MFHAS1: variants seen among roughly 807,000 people sequenced by gnomAD.
MFHAS1 encodes the protein malignant fibrous histiocytoma-amplified sequence 1.
In MFHAS1, 50 loss-of-function variants were observed where a neutral mutation model predicts 70.4. That is an observed-to-expected ratio of 0.71 (90% CI 0.57 to 0.90). The LOEUF (loss-of-function observed/expected upper bound fraction) is 0.90, where lower values mean the gene tolerates loss of function less well. Among genes scored for constraint, MFHAS1 ranks in the 40% least tolerant of loss-of-function variants. The pLI is 0.00. For missense variants in MFHAS1, 1,795 were observed against 1,347.6 expected (o/e 1.33, Z -5.20); for synonymous variants, 952 against 620.0 (o/e 1.54, Z -7.96).
intron 1 of MFHAS1, among the ~76,000 whole-genome samples, chr8:8,884,276 A>G (rs1056591443): frequency 6.6e-6 from 1 of 152,172 alleles, no homozygotes; most frequent in African/African-American, 2.4e-5. Flanking sequence ...GTGCCTGATT[A>G]AGGTTTTGAT....
In MFHAS1 at chr8:8,832,627, CT is replaced by C. The variant is rs137896964; in HGVS notation, c.2999-35137del. ...CATGTGATGCAACCAGAATTTTTTT[CT>C]TTTTTTTTTTTTTTTTTCAAGACAG... On this transcript the variant is annotated intron_variant, in intron 1 of 2. Coordinates refer to ENST00000276282, the MANE Select transcript of MFHAS1 (RefSeq NM_004225.3). Among the ~76,000 whole-genome samples, 372 of 121,914 alleles carry C rather than the reference CT, an allele frequency of 3.1e-3. 1 individual carries two copies. Among genetic ancestry groups the C allele is most frequent in the African/African-American group, 9.3e-3 (306 of 33,064 alleles). 80.0% of individuals were successfully genotyped at this position (121,914 alleles called of 152,430 possible).
chr8:8,832,054 G>GCACACA (rs370279756), intron 1 of MFHAS1, among the ~76,000 whole-genome samples: 31,443 of 112,174 alleles, frequency 0.28, 3,869 homozygotes, highest in East Asian at 0.51. Context: ...ATGCACGCGC[G>GCACACA]CGCGCGCGCA....
At chr8:8,863,384 T>C (rs1808738831) in intron 1 of MFHAS1, among the ~76,000 whole-genome samples, 1 of 152,200 alleles carries the variant, frequency 6.6e-6, no homozygotes, top group Admixed American at 6.5e-5. Context: ...CCTGTGTAAA[T>C]TAACAGTGGC....
chr8:8,871,304 C>T (rs1809066513), intron 1 of MFHAS1, among the ~76,000 whole-genome samples: 1 of 152,218 alleles, frequency 6.6e-6, no homozygotes, highest in African/African-American at 2.4e-5. Flanking sequence ...AATCCCAGCA[C>T]TCTGGGAGGC....
At chr8:8,852,440 G>A (rs953768486) in intron 1 of MFHAS1, among the ~76,000 whole-genome samples, 2 of 151,604 alleles carry the variant, frequency 1.3e-5, no homozygotes, top group African/African-American at 2.4e-5. Context: ...CGCCACTCCA[G>A]CGTAAGCAAC....
intron 1 of MFHAS1, among the ~76,000 whole-genome samples, chr8:8,855,232 C>T (rs1481649125): frequency 1.3e-5 from 2 of 152,214 alleles, no homozygotes; most frequent in African/African-American, 2.4e-5. Flanking sequence ...GGATCACAGG[C>T]GTGAGCCACC....
intron 1 of MFHAS1, among the ~76,000 whole-genome samples, chr8:8,868,405 A>G (rs1808944103): frequency 6.7e-6 from 1 of 150,002 alleles, no homozygotes; most frequent in Admixed American, 6.7e-5. Flanking sequence ...ATAATTAATC[A>G]CCGAGAAGGA....
In MFHAS1 at chr8:8,892,139, T is replaced by C. The variant is rs990653384; in HGVS notation, c.920A>G (p.Gln307Arg). ...GLEELYLSRN[Q>R]LTSVPSLISG... ...GATAAGGGATGGCACCGAGGTGAGC[T>C]GGTTGCGACTAAGGTAGAGCTCCTC... Residue 307 changes from glutamine (Q) to arginine (R), a missense_variant, in exon 1 of 3, where the codon CAG (glutamine) becomes CGG (arginine). Gln to Arg is a conservative substitution (Grantham distance 43). Coordinates refer to ENST00000276282, the MANE Select transcript of MFHAS1 (RefSeq NM_004225.3). This position sits in a 1 kb window ranked among gnomAD's most constrained non-coding sequence, Gnocchi z 4.7. The C allele has an allele frequency of 1.9e-6, 3 of 1,611,670 alleles. No individual in the cohort carries two copies. In the African/African-American group the frequency reaches 4.0e-5, roughly 22 times the overall value.
intron 1 of MFHAS1, among the ~76,000 whole-genome samples, chr8:8,886,863 C>T (rs765407161): frequency 6.6e-6 from 1 of 152,190 alleles, no homozygotes; most frequent in Non-Finnish European, 1.5e-5. Context: ...TAGTGGCTCA[C>T]GCTTATAATC....
chr8:8,842,058 G>C (rs1420031827), intron 1 of MFHAS1, among the ~76,000 whole-genome samples: 1 of 152,216 alleles, frequency 6.6e-6, no homozygotes. Context: ...GTGCCAACAA[G>C]GCTGCGCCTT....
At chr8:8,885,668 G>T (rs1417916906) in intron 1 of MFHAS1, among the ~76,000 whole-genome samples, 2 of 152,200 alleles carry the variant, frequency 1.3e-5, no homozygotes, top group Non-Finnish European at 2.9e-5. Flanking sequence ...CCAGCTATGG[G>T]CAGCAAGTCT....
At chr8:8,888,156 A>T (rs901845298) in intron 1 of MFHAS1, among the ~76,000 whole-genome samples, 2 of 152,242 alleles carry the variant, frequency 1.3e-5, no homozygotes, top group Admixed American at 6.5e-5. Context: ...GGAGTGTGAC[A>T]AGATTCCAGA....
chr8:8,873,526 A>G (rs567600790), intron 1 of MFHAS1, among the ~76,000 whole-genome samples: 1 of 149,262 alleles, frequency 6.7e-6, no homozygotes, highest in South Asian at 2.1e-4. Context: ...GCTGGGTTAC[A>G]CCCACTCTTT....
At chr8:8,870,152 A>G (rs1809020296) in intron 1 of MFHAS1, among the ~76,000 whole-genome samples, 1 of 152,240 alleles carries the variant, frequency 6.6e-6, no homozygotes, top group South Asian at 2.1e-4. Flanking sequence ...GTGAATAGAT[A>G]GGCTAAAAGT....
At chr8:8,846,360 G>GAGGAGA (rs1348985599) in intron 1 of MFHAS1, among the ~76,000 whole-genome samples, 2 of 130,890 alleles carry the variant, frequency 1.5e-5, no homozygotes, top group South Asian at 3.2e-4. Context: ...GGAGGGGGAG[G>GAGGAGA]AGGAGAAGGA....
In MFHAS1 at chr8:8,832,052, G is replaced by GCACA. The variant is rs1221795082; in HGVS notation, c.2999-34562_2999-34561insTGTG. On this transcript the variant is annotated intron_variant, in intron 1 of 2. Coordinates refer to ENST00000276282, the MANE Select transcript of MFHAS1 (RefSeq NM_004225.3). ...CTTACTTCAAGGCGCACATGCACGCGCGCGCGCGCGCACACACACACACAC... is the reference window on the plus strand; with the variant it reads ...CTTACTTCAAGGCGCACATGCACGCGCACACGCGCGCGCGCACACACACACACAC... Among the ~76,000 whole-genome samples the GCACA allele has an allele frequency of 4.1e-3, 147 of 35,838 alleles. 1 individual carries two copies. Among genetic ancestry groups the GCACA allele is most frequent in the East Asian group, 0.019 (12 of 616 alleles). 23.5% of individuals were successfully genotyped at this position (35,838 alleles called of 152,430 possible).
At chr8:8,839,531 G>A (rs549622660) in intron 1 of MFHAS1, among the ~76,000 whole-genome samples, 10 of 152,280 alleles carry the variant, frequency 6.6e-5, no homozygotes, top group African/African-American at 2.4e-4. Flanking sequence ...ATTAGTGACT[G>A]TGGGTAAGTA....
intron 1 of MFHAS1, among the ~76,000 whole-genome samples, chr8:8,878,978 A>G (rs1353198197): frequency 6.6e-6 from 1 of 152,232 alleles, no homozygotes; most frequent in African/African-American, 2.4e-5. Flanking sequence ...CAGCATTCAT[A>G]TAGTCTTTGG....
intron 1 of MFHAS1, among the ~76,000 whole-genome samples, chr8:8,852,248 C>T (rs1374751351): frequency 6.6e-6 from 1 of 152,108 alleles, no homozygotes; most frequent in Non-Finnish European, 1.5e-5. Context: ...CCGAGGCGGG[C>T]AGATCACTTG....
Sources: gnomAD v4.1 joint callset for allele counts (sites outside exome capture counted in the v4.1 genomes callset) on GRCh38, gnomAD v4.1.1 for gene constraint, Gnocchi (gnomAD v3.1) non-coding constraint, MANE v1.5 for transcripts, NCBI Gene and HGNC (gene_info 2026-07-23, HGNC 2026-07-21) for gene names.